The following NRXN3 variants were observed in gnomAD, a reference collection of about 807,000 sequenced individuals.
NRXN3 encodes neurexin III.
A neutral mutation model predicts 137.6 loss-of-function variants in NRXN3; 32 were observed. The ratio of observed to expected loss-of-function variants is 0.23; its 90% CI spans 0.18 to 0.31. The LOEUF is 0.31. Among genes scored for constraint, NRXN3 ranks in the 10% least tolerant of loss-of-function variants. NRXN3 has a pLI of 1.00. For synonymous variants in NRXN3, 798 were observed against 784.5 expected, an observed-to-expected ratio of 1.02 and a Z score of -0.29; for missense variants, 1,574 against 2,062.5, an observed-to-expected ratio of 0.76 and a Z score of 4.59.
intron 10 of NRXN3, among the ~76,000 whole-genome samples, chr14:78,894,796 G>C (rs1283567626): frequency 2.6e-5 from 4 of 151,260 alleles, no homozygotes; most frequent in Non-Finnish European, 5.9e-5. Flanking sequence ...TGTTACGTTA[G>C]CAGACATGAA....
chr14:79,457,817 A>C (rs1860646852), intron 15 of NRXN3, among the ~76,000 whole-genome samples: 1 of 152,128 alleles, frequency 6.6e-6, no homozygotes, highest in Non-Finnish European at 1.5e-5. Context: ...CATTGTTCTT[A>C]TTAAAAAAGG....
chr14:78,744,237 G>A (rs890235068), intron 8 of NRXN3, among the ~76,000 whole-genome samples: 1 of 152,146 alleles, frequency 6.6e-6, no homozygotes, highest in African/African-American at 2.4e-5. Context: ...CGCCTCCCGG[G>A]TTCAAGGAAT....
At chr14:79,735,068 G>C (rs1023029751) in intron 19 of NRXN3, among the ~76,000 whole-genome samples, 4 of 152,118 alleles carry the variant, frequency 2.6e-5, no homozygotes, top group African/African-American at 4.8e-5. Flanking sequence ...TCACTCCCTA[G>C]CCTTTCTTGA....
At chr14:79,580,313 G>T (rs555033130) in intron 16 of NRXN3, among the ~76,000 whole-genome samples, 4 of 152,228 alleles carry the variant, frequency 2.6e-5, no homozygotes, top group Non-Finnish European at 5.9e-5. Context: ...ATTCAATAGT[G>T]GGATTGCTGG....
rs558933667 is a variant in NRXN3 at position 78,178,192 on chromosome 14, C to T, written c.-704+7518C>T. Among the ~76,000 whole-genome samples the T allele has an allele frequency of 2.6e-5, 4 of 152,316 alleles. No homozygotes were observed. In the South Asian group the frequency reaches 8.3e-4, roughly 32 times the overall value. On this transcript the variant is annotated intron_variant, in intron 1 of 20. Transcript: ENST00000335750. ...GCTCTGAAGCCTCTGGTCTTAACCA[C>T]TGTTTCGTACCACCTCCATGGGCCT... is the stretch of plus-strand genomic sequence containing the variant.
At chr14:79,226,198 T>C (rs978703342) in intron 15 of NRXN3, among the ~76,000 whole-genome samples, 1 of 152,106 alleles carries the variant, frequency 6.6e-6, no homozygotes, top group African/African-American at 2.4e-5. Flanking sequence ...GAAACTGAAC[T>C]GTGAGAGGGG....
intron 17 of NRXN3, among the ~76,000 whole-genome samples, chr14:79,690,638 G>T (rs1237890525): frequency 6.6e-6 from 1 of 152,044 alleles, no homozygotes; most frequent in African/African-American, 2.4e-5. Flanking sequence ...ATATGAGTCA[G>T]CTTGTTAGAA....
intron 15 of NRXN3, among the ~76,000 whole-genome samples, chr14:78,998,512 G>T (rs2099534765): frequency 6.6e-6 from 1 of 152,142 alleles, no homozygotes; most frequent in Admixed American, 6.5e-5. Context: ...GTTGCAAGAA[G>T]CTGCGCAAAG....
chr14:79,667,081 T>TTAAAG (rs1486962658), intron 17 of NRXN3, among the ~76,000 whole-genome samples: 3 of 152,046 alleles, frequency 2.0e-5, no homozygotes, highest in African/African-American at 7.2e-5. Flanking sequence ...TATTAATAAT[T>TTAAAG]TAAAGTATCA....
At chr14:78,664,565 C>CTTA (rs1053725480) in intron 6 of NRXN3, among the ~76,000 whole-genome samples, 1 of 152,150 alleles carries the variant, frequency 6.6e-6, no homozygotes, top group African/African-American at 2.4e-5. Context: ...ACTCTTTAAC[C>CTTA]CTCTACATTT....
chr14:78,362,538 T>C (rs1264302697), intron 4 of NRXN3, among the ~76,000 whole-genome samples: 2 of 152,354 alleles, frequency 1.3e-5, no homozygotes, highest in African/African-American at 4.8e-5. Flanking sequence ...CAACCTGTTC[T>C]TAACAGGGAT....
intron 15 of NRXN3, among the ~76,000 whole-genome samples, chr14:79,036,164 T>C (rs185159589): frequency 4.0e-4 from 61 of 152,176 alleles, no homozygotes; most frequent in Non-Finnish European, 2.9e-5. Context: ...TCTGTAATTA[T>C]TCAGAACTCA....
At chr14:78,870,662 AT>A (rs957644814) in intron 10 of NRXN3, among the ~76,000 whole-genome samples, 23 of 151,692 alleles carry the variant, frequency 1.5e-4, no homozygotes, top group African/African-American at 5.3e-4. Flanking sequence ...CCTTTTAACA[AT>A]CCCCCTTTTT....
chr14:78,719,403 C>T (rs2098448967), intron 8 of NRXN3, among the ~76,000 whole-genome samples: 1 of 123,696 alleles, frequency 8.1e-6, no homozygotes, highest in African/African-American at 3.1e-5. Context: ...AGGCAACCTC[C>T]TATGTGATCC....
chr14:79,618,512 A>G (rs2098187029), intron 16 of NRXN3, among the ~76,000 whole-genome samples: 1 of 150,918 alleles, frequency 6.6e-6, no homozygotes, highest in African/African-American at 2.5e-5. Context: ...TACTGAAAAG[A>G]ACATGATTTC....
chr14:79,226,814 C>CTT (rs3035642), intron 15 of NRXN3, among the ~76,000 whole-genome samples: 8 of 98,476 alleles, frequency 8.1e-5, no homozygotes, highest in Admixed American at 2.1e-4. Flanking sequence ...TCCTTTTTTT[C>CTT]TTTTTTTTTT....
chr14:79,686,177 G>A (rs183463542), intron 17 of NRXN3, among the ~76,000 whole-genome samples: 398 of 151,968 alleles, frequency 2.6e-3, no homozygotes, highest in Non-Finnish European at 4.4e-3. Context: ...CCAGCTACTC[G>A]GGAGGCTGAG....
At chr14:78,309,283 G>T (rs554175044) in intron 4 of NRXN3, among the ~76,000 whole-genome samples, 3 of 149,682 alleles carry the variant, frequency 2.0e-5, no homozygotes, top group Non-Finnish European at 4.5e-5. Context: ...TTTGAGAAAC[G>T]CTAATAATGT....
intron 15 of NRXN3, among the ~76,000 whole-genome samples, chr14:79,015,790 C>T (rs532543696): frequency 1.3e-5 from 2 of 152,310 alleles, no homozygotes; most frequent in Admixed American, 6.5e-5. Context: ...AGTAGTCCAA[C>T]ACCAGTAAAT....
Sources: allele counts gnomAD v4.1 joint callset (sites outside exome capture counted in the v4.1 genomes callset), GRCh38; gene constraint gnomAD v4.1.1; transcripts MANE v1.5; gene names NCBI Gene and HGNC (gene_info 2026-07-23, HGNC 2026-07-21).